ANKRD28: variants seen among roughly 807,000 people sequenced by gnomAD.
ANKRD28 encodes the protein ankyrin repeat domain 28, also known as serine/threonine-protein phosphatase 6 regulatory ankyrin repeat subunit A.
In ANKRD28, 44 loss-of-function variants were observed where a neutral mutation model predicts 126.5. The ratio of observed to expected loss-of-function variants is 0.35; its 90% CI spans 0.27 to 0.45. The LOEUF (loss-of-function observed/expected upper bound fraction) is 0.45, where lower values mean the gene tolerates loss of function less well. Ranked by LOEUF, ANKRD28 falls within the 20% of genes least tolerant of loss-of-function variation. The probability of loss-of-function intolerance (pLI) is 1.00; values close to 1 mark genes in which losing one functional copy is unlikely to be tolerated. For missense variants in ANKRD28, 1,110 were observed against 1,316.6 expected, an observed-to-expected ratio of 0.84 and a Z score of 2.43; for synonymous variants, 442 against 468.5, an observed-to-expected ratio of 0.94 and a Z score of 0.73.
At chr3:15,841,265 T>G (rs983310832) in intron 1 of ANKRD28, among the ~76,000 whole-genome samples, 8 of 152,182 alleles carry the variant, frequency 5.3e-5, no homozygotes, top group Non-Finnish European at 1.0e-4. Context: ...TCTGGGACAC[T>G]CTTCAGGACA....
chr3:15,847,208 T>C (rs567001674), intron 1 of ANKRD28, among the ~76,000 whole-genome samples: 21 of 152,184 alleles, frequency 1.4e-4, no homozygotes, highest in African/African-American at 4.8e-4. Flanking sequence ...ACAAGAAACT[T>C]TTCCATGAAA....
chr3:15,747,925 C>T (rs900191003), intron 4 of ANKRD28, among the ~76,000 whole-genome samples: 4 of 152,132 alleles, frequency 2.6e-5, no homozygotes, highest in African/African-American at 9.7e-5. Flanking sequence ...TTGGACTAGT[C>T]CTTTTATCAT....
At chr3:15,849,988 C>A (rs767771357) in intron 1 of ANKRD28, among the ~76,000 whole-genome samples, 35 of 151,774 alleles carry the variant, frequency 2.3e-4, no homozygotes, top group Non-Finnish European at 3.7e-4. Flanking sequence ...ACTCTGTACA[C>A]TACAAACCTA....
chr3:15,798,982 T>G (rs888768489), upstream of ANKRD28, among the ~76,000 whole-genome samples: 1 of 152,126 alleles, frequency 6.6e-6, no homozygotes, highest in African/African-American at 2.4e-5. Flanking sequence ...CTTGCTGTAT[T>G]CCCATTATAG....
Position 15,741,697 on chromosome 3 carries a change from C to CTTTTTTTT in ANKRD28, c.352-4472_352-4465dup, listed in dbSNP as rs58655271. Among the ~76,000 whole-genome samples the CTTTTTTTT allele has an allele frequency of 9.8e-4, 33 of 33,656 alleles. 2 individuals are homozygous for CTTTTTTTT. The highest frequency in any genetic ancestry group is 2.1e-3 in the African/African-American group (23 of 11,122). The allele number at this position is 33,656 out of a possible 152,430, so 22.1% of individuals were successfully genotyped here. On this transcript the variant is annotated intron_variant, in intron 4 of 27. Transcript: ENST00000683139. The stretch of plus-strand genomic sequence containing the variant: ...ACCAGTTTTCCCCTTTGGTTCTATC[C>CTTTTTTTT]TTTTTTTTTTTTTTTTTTTTTTTTT...
chr3:15,775,305 A>G lies in ANKRD28; in HGVS notation c.202-8993T>C, dbSNP rs544132375. On this transcript the variant is annotated intron_variant, in intron 2 of 27. Transcript: ENST00000683139. ...CAACATACAACTATGTAGGAGGAAA[A>G]ATCAGTTTTTCCCCTTCTACTCACA... Among the ~76,000 whole-genome samples the G allele has an allele frequency of 3.3e-5, 5 of 152,332 alleles. No individual in the cohort carries two copies. The East Asian group carries it at 7.7e-4, about 23-fold the overall frequency.
intron 2 of ANKRD28, among the ~76,000 whole-genome samples, chr3:15,777,920 C>A (rs575197338): frequency 6.7e-6 from 1 of 148,730 alleles, no homozygotes; most frequent in South Asian, 2.1e-4. Context: ...CGCCCTAGCC[C>A]CGTCAATACC....
At position 15,808,473 on chromosome 3, in the gene ANKRD28, T is replaced by C. The variant is rs533447214; in HGVS notation, c.28-13167A>G. Among the ~76,000 whole-genome samples the C allele has an allele frequency of 9.8e-5, 15 of 152,324 alleles. No homozygotes were observed. The South Asian group carries it at 3.1e-3, about 32-fold the overall frequency. On this transcript the variant is annotated intron_variant, in intron 1 of 27. Transcript: ENST00000399451. Reference sequence around the variant, plus strand: ...CCCTCTGCTTTGTCTCCAAGCATATTTGTATTTTCAACTTTTTCTCTATGA... The same window carrying C: ...CCCTCTGCTTTGTCTCCAAGCATATCTGTATTTTCAACTTTTTCTCTATGA...
chr3:15,859,664 C>CT (rs2061864390), exon 1 of ANKRD28: 1 of 159,984 alleles, frequency 6.3e-6, no homozygotes, highest in Non-Finnish European at 1.3e-5. Flanking sequence ...TCCCCGCCCT[C>CT]TTCCTTCCTT....
chr3:15,850,204 A>ATATATATATATATATATATATATAT (rs1553650054), intron 1 of ANKRD28, among the ~76,000 whole-genome samples: 1 of 54,836 alleles, frequency 1.8e-5, no homozygotes, highest in African/African-American at 5.9e-5. Context: ...AAAAAAAAAA[A>ATATATATATATATATATATATATAT]ATATATATAT....
chr3:15,739,552 C>T (rs765051601), intron 4 of ANKRD28, among the ~76,000 whole-genome samples: 32 of 152,160 alleles, frequency 2.1e-4, no homozygotes, highest in Non-Finnish European at 2.1e-4. Flanking sequence ...ATAAAACTAA[C>T]CCTAAATGTT....
intron 2 of ANKRD28, among the ~76,000 whole-genome samples, chr3:15,784,931 T>C (rs1052481926): frequency 6.6e-6 from 1 of 152,052 alleles, no homozygotes; most frequent in Non-Finnish European, 1.5e-5. Flanking sequence ...TGTCATATAA[T>C]GAAGCCTTGC....
chr3:15,708,689 T>G (rs1359453630), intron 13 of ANKRD28, among the ~76,000 whole-genome samples: 1 of 152,190 alleles, frequency 6.6e-6, no homozygotes, highest in African/African-American at 2.4e-5. Flanking sequence ...GTGATTTTTT[T>G]ATTTTTGTGG....
chr3:15,715,377 A>G (rs2072880883), intron 8 of ANKRD28, among the ~76,000 whole-genome samples: 1 of 152,232 alleles, frequency 6.6e-6, no homozygotes, highest in Non-Finnish European at 1.5e-5. Flanking sequence ...TGGAAATGTC[A>G]CAAGTATTCT....
In ANKRD28 at chr3:15,711,274, C is replaced by G; in HGVS notation, c.1274G>C (p.Gly425Ala). 3.7e-6 allele frequency: 6 copies of G among 1,609,012 alleles called. No individual in the cohort carries two copies. The highest frequency in any genetic ancestry group is 5.1e-6 in the Non-Finnish European group (6 of 1,176,240). ...ATCATCTGGGGTATCTATATCAAATCCTACAAGAATGAATACATCTTATTT... is the reference window on the plus strand; with the variant it reads ...ATCATCTGGGGTATCTATATCAAATGCTACAAGAATGAATACATCTTATTT... ...SDCCRKLLSS[G>A]FDIDTPDDFG... The change falls in exon 12 of 28, where the codon GGA becomes GCA. Residue 425 changes from glycine (G) to alanine (A), a missense_variant and splice_region_variant. Gly to Ala is a moderately conservative substitution (Grantham distance 60). Coordinates refer to ENST00000683139, the MANE Select transcript of ANKRD28 (RefSeq NM_001349278.2).
chr3:15,842,816 C>T (rs2061451470), intron 1 of ANKRD28, among the ~76,000 whole-genome samples: 1 of 152,114 alleles, frequency 6.6e-6, no homozygotes. Flanking sequence ...TTGACATATG[C>T]TGATGGGAAT....
At chr3:15,857,629 G>C (rs1185437066) in intron 1 of ANKRD28, among the ~76,000 whole-genome samples, 1 of 152,190 alleles carries the variant, frequency 6.6e-6, no homozygotes, top group Non-Finnish European at 1.5e-5. Flanking sequence ...AAGATTAATG[G>C]ATATACATAA....
intron 1 of ANKRD28, among the ~76,000 whole-genome samples, chr3:15,852,860 T>C (rs1021388209): frequency 4.9e-5 from 6 of 123,420 alleles, no homozygotes; most frequent in Admixed American, 1.7e-4. Flanking sequence ...AAAAAAAGAA[T>C]GTCAACTTAA....
chr3:15,831,593 T>C (rs1226023870), intron 1 of ANKRD28, among the ~76,000 whole-genome samples: 2 of 152,188 alleles, frequency 1.3e-5, no homozygotes, highest in African/African-American at 4.8e-5. Flanking sequence ...CTCCCCTCAA[T>C]ATTGAAAATC....
Sources: gnomAD v4.1 joint callset for allele counts (sites outside exome capture counted in the v4.1 genomes callset) on GRCh38, gnomAD v4.1.1 for gene constraint, MANE v1.5 for transcripts, NCBI Gene and HGNC (gene_info 2026-07-23, HGNC 2026-07-21) for gene names.